Variants in FAM13A observed in about 807,000 individuals in gnomAD.
FAM13A encodes protein FAM13A.
In FAM13A, 76 loss-of-function variants were observed where a neutral mutation model predicts 129.6. The ratio of observed to expected loss-of-function variants is 0.59; its 90% CI spans 0.49 to 0.71. The LOEUF (loss-of-function observed/expected upper bound fraction) is 0.71. Ranked by LOEUF, FAM13A falls within the 30% of genes least tolerant of loss-of-function variation. FAM13A has a pLI of 0.00. For missense variants in FAM13A, 1,108 were observed against 1,249.3 expected (o/e 0.89, Z 1.70); for synonymous variants, 443 against 449.9 (o/e 0.98, Z 0.20).
intron 6 of FAM13A, among the ~76,000 whole-genome samples, chr4:88,900,282 G>A (rs1747074031): frequency 6.6e-6 from 1 of 151,882 alleles, no homozygotes. Context: ...ATTCAAATTC[G>A]GGAAATCCAG....
At position 88,737,478 on chromosome 4, in the gene FAM13A, C is replaced by A; in HGVS notation, c.2640G>T (p.Glu880Asp). The change falls in exon 21 of 24, where the codon GAG (glutamate) becomes GAT (aspartate). Residue 880 changes from glutamate to aspartate, a missense_variant. Transcript: ENST00000264344. ...TAGCAGCTGGGGTCTTCACCTTTATCTCCTTGAAGAAGGAAGCAGTTTCGC... is the reference window on the plus strand; with the variant it reads ...TAGCAGCTGGGGTCTTCACCTTTATATCCTTGAAGAAGGAAGCAGTTTCGC... ...IEGETASFFKEIKEEEEGSED... is the reference protein window; with the variant it reads ...IEGETASFFKDIKEEEEGSED... 6.2e-7 allele frequency: 1 copy of A among 1,613,800 alleles called. No homozygotes were observed. Among genetic ancestry groups the A allele is most frequent in the Middle Eastern group, 1.7e-4 (1 of 6,048 alleles).
At chr4:88,860,427 T>C (rs1359564762) in intron 6 of FAM13A, among the ~76,000 whole-genome samples, 1 of 152,246 alleles carries the variant, frequency 6.6e-6, no homozygotes, top group East Asian at 1.9e-4. Context: ...CTTTCATCTA[T>C]GATTGTGAAT....
chr4:88,906,966 T>C (rs763826051), intron 5 of FAM13A, among the ~76,000 whole-genome samples: 2 of 152,238 alleles, frequency 1.3e-5, no homozygotes, highest in Non-Finnish European at 2.9e-5. Context: ...TGGAAGAATA[T>C]ATGAGTATCT....
At chr4:88,815,738 G>C (rs1028648492) in intron 7 of FAM13A, among the ~76,000 whole-genome samples, 8 of 152,038 alleles carry the variant, frequency 5.3e-5, no homozygotes, top group African/African-American at 1.7e-4. Context: ...GATATTGTGT[G>C]ACCTGAAAAT....
chr4:88,798,329 G>A (rs953454814), intron 8 of FAM13A, among the ~76,000 whole-genome samples: 3 of 152,152 alleles, frequency 2.0e-5, no homozygotes, highest in Non-Finnish European at 4.4e-5. Flanking sequence ...CTAGGTGACT[G>A]AGCATCCCAG....
intron 3 of FAM13A, among the ~76,000 whole-genome samples, chr4:89,019,292 G>A (rs1205634045): frequency 6.6e-6 from 1 of 152,150 alleles, no homozygotes; most frequent in Admixed American, 6.5e-5. Flanking sequence ...AAGGAATGTG[G>A]CTTTAGGTAG....
chr4:88,834,055 ATTTTTTT>A (rs922832858), intron 7 of FAM13A, among the ~76,000 whole-genome samples: 38 of 84,198 alleles, frequency 4.5e-4, no homozygotes, highest in African/African-American at 1.4e-3. Context: ...AGGCCTGGCT[ATTTTTTT>A]TTTTTTTTTT....
intron 3 of FAM13A, among the ~76,000 whole-genome samples, chr4:89,013,004 T>C (rs114022376): frequency 1.3e-5 from 2 of 152,294 alleles, no homozygotes; most frequent in African/African-American, 4.8e-5. Flanking sequence ...TTATCACATA[T>C]TGATGTATAG....
chr4:88,824,205 C>A (rs1732592386), intron 7 of FAM13A, among the ~76,000 whole-genome samples: 1 of 151,978 alleles, frequency 6.6e-6, no homozygotes, highest in African/African-American at 2.4e-5. Context: ...TTTTTCACAT[C>A]ATGAGTTGTA....
At chr4:88,761,952 G>A (rs980601205) in intron 13 of FAM13A, among the ~76,000 whole-genome samples, 1 of 152,000 alleles carries the variant, frequency 6.6e-6, no homozygotes, top group East Asian at 1.9e-4. Context: ...ACAAAAACCT[G>A]TTAGGGCTCT....
intron 3 of FAM13A, among the ~76,000 whole-genome samples, chr4:88,997,872 T>C (rs1040208040): frequency 1.3e-5 from 2 of 152,200 alleles, no homozygotes; most frequent in African/African-American, 4.8e-5. Flanking sequence ...CTCTGCCTCA[T>C]TAAACCTCAC....
chr4:88,900,159 T>G (rs527569874), intron 6 of FAM13A, among the ~76,000 whole-genome samples: 72 of 152,192 alleles, frequency 4.7e-4, no homozygotes, highest in African/African-American at 1.6e-3. Context: ...TAAAACTGAC[T>G]AGGGTACCTG....
chr4:88,843,029 G>C (rs1049652674), intron 7 of FAM13A, among the ~76,000 whole-genome samples: 6 of 152,214 alleles, frequency 3.9e-5, no homozygotes, highest in Non-Finnish European at 8.8e-5. Flanking sequence ...ATATGAAATA[G>C]TTTATCTAAG....
At chr4:89,025,101 G>A (rs1443430420) in intron 2 of FAM13A, among the ~76,000 whole-genome samples, 1 of 152,114 alleles carries the variant, frequency 6.6e-6, no homozygotes, top group Non-Finnish European at 1.5e-5. Context: ...TGGTGTGAGT[G>A]TAAATTGTTT....
intron 4 of FAM13A, among the ~76,000 whole-genome samples, chr4:88,972,370 C>T (rs1308888233): frequency 9.4e-5 from 14 of 148,430 alleles, no homozygotes; most frequent in African/African-American, 2.2e-4. Flanking sequence ...GGTGCGATCT[C>T]GCCTCACTGC....
rs534800208 is a variant in FAM13A, at chr4:88,733,214, G to A, written c.2647-1016C>T. ...AGTACAAGTGTGCAAATGGTTCATG[G>A]TAAATTTTGATATGTTTAATAAGGG... On this transcript the variant is annotated intron_variant, in intron 21 of 23. Coordinates refer to ENST00000264344, the MANE Select transcript of FAM13A (RefSeq NM_014883.4). Among the ~76,000 whole-genome samples the A allele has an allele frequency of 9.2e-5, 14 of 152,316 alleles. No individual in the cohort carries two copies. The South Asian group carries it at 2.9e-3, about 32-fold the overall frequency.
chr4:88,928,384 T>C (rs943239626), intron 5 of FAM13A, among the ~76,000 whole-genome samples: 5 of 152,136 alleles, frequency 3.3e-5, no homozygotes, highest in African/African-American at 1.2e-4. Flanking sequence ...ATCTAATGTT[T>C]CTTTGTTAAT....
chr4:89,023,968 T>C lies in FAM13A; in HGVS notation c.218-3299A>G, dbSNP rs1047846551. On this transcript the variant is annotated intron_variant, in intron 2 of 23. Coordinates refer to ENST00000264344, the MANE Select transcript of FAM13A (RefSeq NM_014883.4). Reference sequence around the variant, plus strand: ...ATTTGGATGACTTCATGAAGCAGAGTTACTCTCATACATTTCAGAGCTCCT... The same window carrying C: ...ATTTGGATGACTTCATGAAGCAGAGCTACTCTCATACATTTCAGAGCTCCT... Among the ~76,000 whole-genome samples the C allele has an allele frequency of 2.0e-5, 3 of 152,220 alleles. No individual in the cohort carries two copies. The East Asian group carries it at 5.8e-4, about 29-fold the overall frequency.
intron 7 of FAM13A, among the ~76,000 whole-genome samples, chr4:88,831,509 T>TA (rs1733883795): frequency 6.6e-6 from 1 of 152,190 alleles, no homozygotes; most frequent in Non-Finnish European, 1.5e-5. Flanking sequence ...AGCGCAAGCA[T>TA]AAAAATCTCT....
Sources: allele counts gnomAD v4.1 joint callset (sites outside exome capture counted in the v4.1 genomes callset), GRCh38; gene constraint gnomAD v4.1.1; transcripts MANE v1.5; gene names NCBI Gene and HGNC (gene_info 2026-07-23, HGNC 2026-07-21).